Variants in ZFAT observed in about 807,000 individuals in gnomAD.
ZFAT encodes zinc finger and AT-hook domain containing.
In ZFAT, 64 loss-of-function variants were observed where a neutral mutation model predicts 117.7. The ratio of observed to expected loss-of-function variants is 0.54; its 90% CI spans 0.44 to 0.67. ZFAT has a LOEUF of 0.67. ZFAT is among the 30% of genes least tolerant of loss of function. ZFAT has a pLI of 0.00. For synonymous variants in ZFAT, 679 were observed against 615.0 expected (o/e 1.10, Z -1.54); for missense variants, 1,433 against 1,584.5 (o/e 0.90, Z 1.62).
chr8:134,559,974 AT>A (rs1006930926), intron 11 of ZFAT, among the ~76,000 whole-genome samples: 4 of 152,150 alleles, frequency 2.6e-5, no homozygotes, highest in African/African-American at 9.7e-5. Context: ...TCCAGTCAAT[AT>A]TTTTTTCTTG....
the ZFAT span, among the ~76,000 whole-genome samples, chr8:134,827,045 C>CT: frequency 6.6e-6 from 1 of 152,216 alleles, no homozygotes; most frequent in East Asian, 1.9e-4. Context: ...CTCAGCCTTT[C>CT]TTTTTTAGGG....
At chr8:134,531,718 C>T (rs781210098) in intron 12 of ZFAT, among the ~76,000 whole-genome samples, 7 of 152,222 alleles carry the variant, frequency 4.6e-5, no homozygotes, top group Admixed American at 1.3e-4. Flanking sequence ...ACATGCTCGC[C>T]GTTACCCCAG....
the ZFAT span, among the ~76,000 whole-genome samples, chr8:134,751,797 G>C: frequency 4.6e-5 from 7 of 152,110 alleles, no homozygotes; most frequent in Non-Finnish European, 8.8e-5. Context: ...ATATAAGAGA[G>C]AGAGAAGTAG....
intron 1 of ZFAT, among the ~76,000 whole-genome samples, chr8:134,666,725 A>G (rs1201108360): frequency 6.6e-6 from 1 of 152,188 alleles, no homozygotes; most frequent in Non-Finnish European, 1.5e-5. Context: ...CATGAAAAAG[A>G]GATTGAAAAA....
chr8:134,682,934 C>T (rs1349691736), intron 1 of ZFAT, among the ~76,000 whole-genome samples: 1 of 152,222 alleles, frequency 6.6e-6, no homozygotes, highest in Admixed American at 6.5e-5. Context: ...GGCTTTCGTA[C>T]TCCCTCTCAC....
chr8:134,780,406 A>C, the ZFAT span, among the ~76,000 whole-genome samples: 2 of 152,054 alleles, frequency 1.3e-5, no homozygotes. Flanking sequence ...CCAAATTCCT[A>C]TCCTTGGGGC....
rs1814069220 is a variant in ZFAT, at chr8:134,712,783, TCC to T, written c.19+60_19+61del. 39 of 1,405,668 alleles carry T rather than the reference TCC, an allele frequency of 2.8e-5. No homozygotes were observed. The South Asian group carries it at 4.7e-4, about 17-fold the overall frequency. 87.1% of individuals were successfully genotyped at this position (1,405,668 alleles called of 1,614,324 possible). A position where few individuals can be genotyped will look rare whatever the true frequency, so the allele number is the denominator to read the frequency against. ...CCCGACTCGACGCTCGAAACGGCTT[TCC>T]GCGCGCCGCGCCGCGCCCCACCCCC... is the stretch of plus-strand genomic sequence containing the variant. On this transcript the variant is annotated intron_variant, in intron 1 of 15. Transcript: ENST00000377838.
At chr8:134,682,412 T>C (rs1245020058) in intron 1 of ZFAT, among the ~76,000 whole-genome samples, 2 of 152,144 alleles carry the variant, frequency 1.3e-5, no homozygotes, top group African/African-American at 2.4e-5. Flanking sequence ...TCCCAGCACT[T>C]TGGGAGGCTG....
intron 12 of ZFAT, among the ~76,000 whole-genome samples, chr8:134,524,533 A>G (rs567265431): frequency 6.6e-6 from 1 of 152,260 alleles, no homozygotes; most frequent in African/African-American, 2.4e-5. Flanking sequence ...ACTATGGACA[A>G]TTTTCCTCCC....
chr8:134,765,817 A>C, the ZFAT span: 1 of 152,176 alleles, frequency 6.6e-6, no homozygotes, highest in Admixed American at 6.5e-5. Context: ...TTAACTCCTC[A>C]TGTGAGATCC....
At chr8:134,523,400 A>G (rs1479620165) in intron 12 of ZFAT, among the ~76,000 whole-genome samples, 2 of 152,132 alleles carry the variant, frequency 1.3e-5, no homozygotes, top group Non-Finnish European at 2.9e-5. Context: ...ATGCCTCCCC[A>G]CAGGTAGACA....
chr8:134,551,445 C>T (rs1234784275), intron 11 of ZFAT, among the ~76,000 whole-genome samples: 3 of 152,194 alleles, frequency 2.0e-5, no homozygotes, highest in South Asian at 4.1e-4. Flanking sequence ...CATTCTAATG[C>T]TAGATATTTA....
chr8:134,694,364 C>A (rs1020998768), intron 1 of ZFAT, among the ~76,000 whole-genome samples: 2 of 152,134 alleles, frequency 1.3e-5, no homozygotes, highest in African/African-American at 4.8e-5. Context: ...TAGGAATAGG[C>A]AAAGGGGCAT....
Position 134,637,543 on chromosome 8 carries a change from A to G in ZFAT, c.366T>C (p.Cys122=), listed in dbSNP as rs1399039628. ...GCTGGCGCGTGTTGGAGAACTTCCG[A>G]CAGCACTTGCTACACTCCAAGCTGC... ...PPSSLECSKC[C]RKFSNTRQLR... is the part of the protein sequence containing the mutation. Residue 122 remains cysteine (C), a synonymous_variant, in exon 3 of 16, where the codon TGT becomes TGC. Coordinates refer to ENST00000377838, the MANE Select transcript of ZFAT (RefSeq NM_020863.4). 6.2e-7 allele frequency: 1 copy of G among 1,614,186 alleles called. No homozygotes were observed. Among genetic ancestry groups the G allele is most frequent in the East Asian group, 2.2e-5 (1 of 44,890 alleles).
chr8:134,622,627 C>T (rs546743425), intron 3 of ZFAT, among the ~76,000 whole-genome samples: 6 of 152,240 alleles, frequency 3.9e-5, no homozygotes, highest in East Asian at 1.9e-4. Context: ...TGCCCTTCCA[C>T]GTCGCCCCTC....
chr8:134,600,423 G>A lies in ZFAT; in HGVS notation c.2475+13C>T. 2 of 1,611,698 alleles carry A rather than the reference G, an allele frequency of 1.2e-6. No homozygotes were observed. Among genetic ancestry groups the A allele is most frequent in the Non-Finnish European group, 1.7e-6 (2 of 1,177,790 alleles). On this transcript the variant is annotated intron_variant, in intron 7 of 15. Transcript: ENST00000377838. ...CAGGGGAGACGGGGCTGCCGCTTGG[G>A]CTTGCTACTTACCAGTGCTGTGTGA...
At chr8:134,499,384 G>C (rs1586589458) in intron 15 of ZFAT, among the ~76,000 whole-genome samples, 3 of 149,350 alleles carry the variant, frequency 2.0e-5, no homozygotes, top group Admixed American at 2.0e-4. Flanking sequence ...TGGGAGGGTT[G>C]TGGTGGAGCT....
intron 5 of ZFAT, 76 bp downstream of exon 5, chr8:134,608,653 C>T: frequency 6.6e-7 from 1 of 1,517,316 alleles, no homozygotes; most frequent in Non-Finnish European, 8.9e-7. Flanking sequence ...AACAAGCATG[C>T]TGATCCTTCC....
At chr8:134,505,692 G>A (rs887237786) in intron 15 of ZFAT, among the ~76,000 whole-genome samples, 6 of 152,234 alleles carry the variant, frequency 3.9e-5, no homozygotes, top group Non-Finnish European at 8.8e-5. Flanking sequence ...GGAGCCTCGG[G>A]TCAAGGAGTG....
Sources: allele counts gnomAD v4.1 joint callset (sites outside exome capture counted in the v4.1 genomes callset), GRCh38; gene constraint gnomAD v4.1.1; transcripts MANE v1.5; gene names NCBI Gene and HGNC (gene_info 2026-07-23, HGNC 2026-07-21).